Variants in TEK observed in about 807,000 individuals in gnomAD.
TEK encodes the protein TEK receptor tyrosine kinase, also known as angiopoietin-1 receptor.
A neutral mutation model predicts 131.8 loss-of-function variants in TEK; 43 were observed. That is an observed-to-expected ratio of 0.33 (90% confidence interval 0.26 to 0.42). The LOEUF (loss-of-function observed/expected upper bound fraction) is 0.42, where lower values mean the gene tolerates loss of function less well. Among genes scored for constraint, TEK ranks in the 10% least tolerant of loss-of-function variants. TEK has a pLI of 1.00. For missense variants in TEK, 1,162 were observed against 1,384.4 expected (o/e 0.84, Z 2.55); for synonymous variants, 580 against 491.6 (o/e 1.18, Z -2.38).
At chr9:27,175,326 T>C in intron 6 of TEK, among the ~76,000 whole-genome samples, 1 of 150,902 alleles carries the variant, frequency 6.6e-6, no homozygotes. Flanking sequence ...CTCATCATTT[T>C]TTATGGCTGC....
chr9:27,216,756 C>T (rs1449779139), intron 18 of TEK, among the ~76,000 whole-genome samples: 3 of 152,108 alleles, frequency 2.0e-5, no homozygotes, highest in African/African-American at 7.2e-5. Context: ...AAATGCATGA[C>T]CTAGGAGAAC....
intron 6 of TEK, among the ~76,000 whole-genome samples, chr9:27,174,607 C>A (rs575784086): frequency 2.6e-5 from 4 of 152,254 alleles, no homozygotes; most frequent in Admixed American, 2.6e-4. Flanking sequence ...GCTAACTGTA[C>A]TGGACAGCAT....
chr9:27,152,598 G>C (rs5014897), intron 1 of TEK, among the ~76,000 whole-genome samples: 61,213 of 140,048 alleles, frequency 0.44, 13,879 homozygotes, highest in South Asian at 0.54. Flanking sequence ...AAGCCCCCCC[G>C]CCGCAAAAAA....
In TEK at chr9:27,204,990, G is replaced by C. The variant is rs1825352748; in HGVS notation, c.2289G>C (p.Leu763=). 1 of 1,614,068 alleles carries C rather than the reference G, an allele frequency of 6.2e-7. No individual in the cohort carries two copies. The highest frequency in any genetic ancestry group is 8.5e-7 in the Non-Finnish European group (1 of 1,179,938). Residue 763 remains leucine, a synonymous_variant, in exon 14 of 23, where the codon CTG becomes CTC. Transcript: ENST00000380036. ...GSAGMTCLTV[L]LAFLIILQLK... is the part of the protein sequence containing the mutation. ...CTGGAATGACCTGCCTGACTGTGCT[G>C]TTGGCCTTTCTGATCATATTGCAAT...
chr9:27,215,561 T>G (rs369127528), intron 18 of TEK, among the ~76,000 whole-genome samples: 1 of 4,236 alleles, frequency 2.4e-4, no homozygotes, highest in Admixed American at 1.4e-3. Flanking sequence ...TGCATTAGGG[T>G]TTTTTTTTTT....
intron 1 of TEK, among the ~76,000 whole-genome samples, chr9:27,146,618 A>G (rs531985929): frequency 2.6e-5 from 4 of 152,150 alleles, no homozygotes; most frequent in African/African-American, 9.6e-5. Flanking sequence ...GTTGAGTAGC[A>G]TGGATATACT....
intron 12 of TEK, among the ~76,000 whole-genome samples, chr9:27,199,892 C>T (rs905190779): frequency 6.6e-6 from 1 of 152,082 alleles, no homozygotes; most frequent in Non-Finnish European, 1.5e-5. Flanking sequence ...CAGTATTTGC[C>T]TGTGTGATTT....
intron 4 of TEK, among the ~76,000 whole-genome samples, chr9:27,172,159 T>G (rs1000929776): frequency 2.0e-5 from 3 of 152,174 alleles, no homozygotes; most frequent in African/African-American, 7.2e-5. Context: ...GGTTTGCATT[T>G]CTAACAGATT....
chr9:27,219,941 C>CTTGCCATA, intron 20 of TEK, 108 bp from the exon 21 acceptor site: 1 of 1,159,880 alleles, frequency 8.6e-7, no homozygotes, highest in South Asian at 1.2e-5. Flanking sequence ...CTCACCCTCT[C>CTTGCCATA]TTGCCATACC....
chr9:27,127,696 T>C (rs1316053510), intron 1 of TEK, among the ~76,000 whole-genome samples: 3 of 152,236 alleles, frequency 2.0e-5, no homozygotes, highest in African/African-American at 4.8e-5. Context: ...TGGTATCTCA[T>C]TGTGGTTTTG....
intron 12 of TEK, among the ~76,000 whole-genome samples, chr9:27,201,424 C>T (rs1825209262): frequency 6.6e-6 from 1 of 152,236 alleles, no homozygotes; most frequent in African/African-American, 2.4e-5. Flanking sequence ...TCATAGTAAT[C>T]TGAAAATGTT....
At chr9:27,221,254 A>G (rs1826065100) in intron 21 of TEK, among the ~76,000 whole-genome samples, 3 of 152,200 alleles carry the variant, frequency 2.0e-5, no homozygotes, top group African/African-American at 7.2e-5. Flanking sequence ...TCTCTGAAAG[A>G]AAGGCAACAG....
intron 12 of TEK, among the ~76,000 whole-genome samples, chr9:27,200,461 G>A (rs2131202742): frequency 6.6e-6 from 1 of 152,312 alleles, no homozygotes; most frequent in South Asian, 2.1e-4. Context: ...GAAGTTTGAT[G>A]GAGGGTCAAT....
Position 27,229,445 on chromosome 9 carries a change from T to C in TEK, c.*213T>C. On this transcript the variant is annotated 3_prime_UTR_variant, in exon 23 of 23. Coordinates refer to ENST00000380036, the MANE Select transcript of TEK (RefSeq NM_000459.5). ...TGTATATACTGTTTTAAGAATGGGC[T>C]GAAATCAGAATGCCTGTTTGTGGTT... 1 of 586,760 alleles carries C rather than the reference T, an allele frequency of 1.7e-6. No individual in the cohort carries two copies. The highest frequency in any genetic ancestry group is 2.1e-5 in the South Asian group (1 of 48,234). 36.3% of individuals were successfully genotyped at this position (586,760 alleles called of 1,614,324 possible).
intron 1 of TEK, among the ~76,000 whole-genome samples, chr9:27,151,672 T>A (rs1823131075): frequency 6.6e-6 from 1 of 152,176 alleles, no homozygotes; most frequent in Non-Finnish European, 1.5e-5. Flanking sequence ...TTTATGTGAT[T>A]AGTTTTCCAT....
At chr9:27,189,450 G>T (rs1448219541) in intron 9 of TEK, among the ~76,000 whole-genome samples, 1 of 152,018 alleles carries the variant, frequency 6.6e-6, no homozygotes, top group Non-Finnish European at 1.5e-5. Context: ...TAAAATTTTT[G>T]CATCCTCCAA....
chr9:27,217,213 A>T (rs1825848072), intron 18 of TEK, among the ~76,000 whole-genome samples: 1 of 152,114 alleles, frequency 6.6e-6, no homozygotes, highest in Non-Finnish European at 1.5e-5. Context: ...CTACCTAATG[A>T]CACCTAAACA....
chr9:27,138,505 A>G (rs13286517), intron 1 of TEK, among the ~76,000 whole-genome samples: 35,462 of 152,074 alleles, frequency 0.23, 4,688 homozygotes, highest in Admixed American at 0.3. Flanking sequence ...TGCATTTACA[A>G]TCCTCTAGCT....
chr9:27,153,067 G>C (rs2131108893), intron 1 of TEK, among the ~76,000 whole-genome samples: 1 of 152,278 alleles, frequency 6.6e-6, no homozygotes, highest in Non-Finnish European at 1.5e-5. Context: ...TGCTTCACTT[G>C]TGATGCTTGG....
Sources: allele counts gnomAD v4.1 joint callset (sites outside exome capture counted in the v4.1 genomes callset), GRCh38; gene constraint gnomAD v4.1.1; transcripts MANE v1.5; gene names NCBI Gene and HGNC (gene_info 2026-07-23, HGNC 2026-07-21).